The following NADK variants were observed in gnomAD, a reference collection of about 807,000 sequenced individuals.
NADK encodes poly(P)/ATP NAD kinase.
NADK carries 22 observed loss-of-function variants against 49.8 expected under a neutral mutation model. The ratio of observed to expected loss-of-function variants is 0.44; its 90% CI spans 0.32 to 0.63. The LOEUF (loss-of-function observed/expected upper bound fraction) is 0.63. Among genes scored for constraint, NADK ranks in the 30% least tolerant of loss-of-function variants. NADK has a pLI of 0.06. For synonymous variants in NADK, 268 were observed against 253.7 expected (o/e 1.06, Z -0.54); for missense variants, 438 against 609.4 (o/e 0.72, Z 2.96).
intron 7 of NADK, 49 bp downstream of exon 7, chr1:1,755,325 G>A: frequency 7.6e-7 from 1 of 1,323,994 alleles, no homozygotes; most frequent in Non-Finnish European, 1.1e-6. Context: ...AAGCGAGACA[G>A]CAGCGCCATG....
intron 1 of NADK, among the ~76,000 whole-genome samples, chr1:1,777,684 C>T (rs1646252702): frequency 6.6e-6 from 1 of 152,044 alleles, no homozygotes. Flanking sequence ...GCTGGGCACG[C>T]CCTGTTCCCA....
chr1:1,758,763 G>GGCCACA (rs1441770723), intron 3 of NADK: 1 of 596,270 alleles, frequency 1.7e-6, no homozygotes, highest in Non-Finnish European at 2.1e-6. Context: ...GCAGCAAAGA[G>GGCCACA]GCCACACTTC....
At chr1:1,774,647 T>C (rs889462760) in intron 1 of NADK, among the ~76,000 whole-genome samples, 4 of 151,680 alleles carry the variant, frequency 2.6e-5, no homozygotes, top group Admixed American at 1.3e-4. Flanking sequence ...AGTGCTGGGA[T>C]TGCAGGCGTG....
intron 6 of NADK, among the ~76,000 whole-genome samples, chr1:1,755,766 C>T (rs1025450509): frequency 2.0e-5 from 3 of 152,134 alleles, no homozygotes; most frequent in Admixed American, 2.0e-4. Context: ...TGGGAGGCAG[C>T]CTTGGGGTCG....
Position 1,778,244 on chromosome 1 carries a change from A to G in NADK, c.-41+45T>C, listed in dbSNP as rs1646269993. ...CTCGCGGGCAGCGATGACCCCAGGC[A>G]GCGGGCGACCCCAGGCGGACGGCAG... On this transcript the variant is annotated intron_variant, in intron 1 of 11. Coordinates refer to ENST00000341426, the MANE Select transcript of NADK (RefSeq NM_023018.5). This position sits in a 1 kb window ranked among gnomAD's most constrained non-coding sequence, Gnocchi z 4.9. 6.6e-6 allele frequency: 1 copy of G among 152,088 alleles called. No individual in the cohort carries two copies. The highest frequency in any genetic ancestry group is 1.5e-5 in the Non-Finnish European group (1 of 68,016). The allele number at this position is 152,088 out of a possible 1,614,324, so 9.4% of individuals were successfully genotyped here. A position where few individuals can be genotyped will look rare whatever the true frequency, so the allele number is the denominator to read the frequency against.
At chr1:1,759,523 C>T (rs1440688276) in intron 3 of NADK, among the ~76,000 whole-genome samples, 1 of 152,228 alleles carries the variant, frequency 6.6e-6, no homozygotes, top group Non-Finnish European at 1.5e-5. Context: ...AAACAGGAAG[C>T]GGGTGCCCTC....
chr1:1,778,083 C>T lies in NADK; in HGVS notation c.-41+206G>A, dbSNP rs889304487. On this transcript the variant is annotated intron_variant, in intron 1 of 11. Coordinates refer to ENST00000341426, the MANE Select transcript of NADK (RefSeq NM_023018.5). This position sits in a 1 kb window ranked among gnomAD's most constrained non-coding sequence, Gnocchi z 4.9. Reference sequence around the variant, plus strand: ...GGACAGCGGCCTCCCTCAGACCCGTCCCCAAGGCCGAGCCTCGCCCTGGGC... The same window carrying T: ...GGACAGCGGCCTCCCTCAGACCCGTTCCCAAGGCCGAGCCTCGCCCTGGGC... Among the ~76,000 whole-genome samples the T allele has an allele frequency of 6.6e-6, 1 of 152,216 alleles. No homozygotes were observed. The highest frequency in any genetic ancestry group is 2.4e-5 in the African/African-American group (1 of 41,454).
chr1:1,761,968 T>C lies in NADK; in HGVS notation c.247A>G (p.Asn83Asp), dbSNP rs1384343524. The C allele has an allele frequency of 6.2e-7, 1 of 1,613,930 alleles. No homozygotes were observed. Among genetic ancestry groups the C allele is most frequent in the African/African-American group, 1.3e-5 (1 of 74,924 alleles). ...TFGPKACVLQ[N>D]PQTIMHIQDP... Reference sequence around the variant, plus strand: ...AGCACTCACATGATGGTCTGGGGGTTCTGCAGCACACAGGCCTTTGGTCCA... The same window carrying C: ...AGCACTCACATGATGGTCTGGGGGTCCTGCAGCACACAGGCCTTTGGTCCA... The change falls in exon 3 of 12, where the codon AAC becomes GAC. Residue 83 changes from asparagine (N) to aspartate (D), a missense_variant. By Grantham distance (23) the Asn-to-Asp change is conservative. Coordinates refer to ENST00000341426, the MANE Select transcript of NADK (RefSeq NM_023018.5).
intron 1 of NADK, among the ~76,000 whole-genome samples, chr1:1,776,385 A>G (rs1646210546): frequency 1.3e-5 from 2 of 152,140 alleles, no homozygotes; most frequent in Admixed American, 1.3e-4. Context: ...CAGTTGTTTC[A>G]AGAAGAAAAT....
chr1:1,774,643 G>A (rs1401576404), intron 1 of NADK, among the ~76,000 whole-genome samples: 1 of 151,892 alleles, frequency 6.6e-6, no homozygotes, highest in Non-Finnish European at 1.5e-5. Context: ...CCACAGTGCT[G>A]GGATTGCAGG....
chr1:1,779,607 T>G (rs1646312991), upstream of NADK, among the ~76,000 whole-genome samples: 1 of 151,976 alleles, frequency 6.6e-6, no homozygotes, highest in African/African-American at 2.4e-5. Context: ...GCTTCCCTAG[T>G]AGTTGGGACT....
intron 5 of NADK, 76 bp downstream of exon 5, chr1:1,756,427 G>C (rs1258563032): frequency 6.2e-7 from 1 of 1,609,524 alleles, no homozygotes; most frequent in African/African-American, 1.3e-5. Context: ...AATGACAAGG[G>C]CAACAGTGCC....
intron 7 of NADK, chr1:1,755,034 A>C (rs993970581): frequency 3.0e-5 from 12 of 400,298 alleles, no homozygotes; most frequent in African/African-American, 2.5e-4. Flanking sequence ...GTTGGCCAGG[A>C]TGGTCTCATC....
At chr1:1,777,627 G>T (rs1646250708) in intron 1 of NADK, among the ~76,000 whole-genome samples, 1 of 151,988 alleles carries the variant, frequency 6.6e-6, no homozygotes, top group Non-Finnish European at 1.5e-5. Context: ...ATGGGAGGGT[G>T]GGGGTGGTCC....
chr1:1,760,973 G>A (rs1179907895), intron 3 of NADK, among the ~76,000 whole-genome samples: 4 of 152,104 alleles, frequency 2.6e-5, no homozygotes, highest in Non-Finnish European at 5.9e-5. Flanking sequence ...GGGACTACAG[G>A]TGTGTGCAAC....
At chr1:1,765,485 A>G in intron 1 of NADK, 39 bp from the exon 2 acceptor site, 1 of 1,012,490 alleles carries the variant, frequency 9.9e-7, no homozygotes, top group Non-Finnish European at 1.4e-6. Flanking sequence ...TAAAGTAAAT[A>G]AATATGTATG....
intron 3 of NADK, chr1:1,758,653 A>T: frequency 7.1e-7 from 1 of 1,415,632 alleles, no homozygotes; most frequent in Non-Finnish European, 9.2e-7. Context: ...AAGTCAAAAG[A>T]GCTTCCTACA....
At position 1,755,421 on chromosome 1, in the gene NADK, G is replaced by A; in HGVS notation, c.641C>T (p.Pro214Leu). 1 of 1,614,046 alleles carries A rather than the reference G, an allele frequency of 6.2e-7. No individual in the cohort carries two copies. The highest frequency in any genetic ancestry group is 8.5e-7 in the Non-Finnish European group (1 of 1,180,000). ...GGACTGAAAGTTCTCAAAGCTGAAT[G>A]GGGTCAGGAAGCCCAGGGAGCCCAG... The part of the protein sequence containing the change: ...FHLGSLGFLT[P>L]FSFENFQSQV... Residue 214 changes from proline (P) to leucine (L), a missense_variant, in exon 7 of 12, where the codon CCA (proline) becomes CTA (leucine). By Grantham distance (98) the Pro-to-Leu change is moderately conservative. Coordinates refer to ENST00000341426, the MANE Select transcript of NADK (RefSeq NM_023018.5).
At chr1:1,772,719 A>G (rs777463517) in intron 1 of NADK, among the ~76,000 whole-genome samples, 4 of 151,582 alleles carry the variant, frequency 2.6e-5, no homozygotes, top group Non-Finnish European at 5.9e-5. Flanking sequence ...TTGATATTGT[A>G]CTATGGAGGT....
Sources: allele counts gnomAD v4.1 joint callset (sites outside exome capture counted in the v4.1 genomes callset), GRCh38; gene constraint gnomAD v4.1.1; non-coding constraint Gnocchi (gnomAD v3.1); transcripts MANE v1.5; gene names NCBI Gene and HGNC (gene_info 2026-07-23, HGNC 2026-07-21).